TMTC2: variants seen among roughly 807,000 people sequenced by gnomAD.
TMTC2 encodes protein O-mannosyl-transferase TMTC2.
Under a neutral mutation model 82.4 loss-of-function variants are expected in TMTC2, and 43 were observed. That is an observed-to-expected ratio of 0.52 (90% CI 0.41 to 0.67). The LOEUF (loss-of-function observed/expected upper bound fraction) is 0.67, where lower values mean the gene tolerates loss of function less well. TMTC2 is among the 30% of genes least tolerant of loss of function. TMTC2 has a pLI of 0.00. For synonymous variants in TMTC2, 408 were observed against 381.9 expected (o/e 1.07, Z -0.80); for missense variants, 919 against 1,012.4 (o/e 0.91, Z 1.25).
At chr12:82,852,205 C>A (rs1207434726) in intron 1 of TMTC2, among the ~76,000 whole-genome samples, 4 of 151,582 alleles carry the variant, frequency 2.6e-5, no homozygotes, top group Non-Finnish European at 1.5e-5. Flanking sequence ...GGGTTCACAC[C>A]ATTCTCCTGC....
chr12:83,070,739 G>C (rs951535704), intron 11 of TMTC2, among the ~76,000 whole-genome samples: 3 of 152,144 alleles, frequency 2.0e-5, no homozygotes, highest in Non-Finnish European at 4.4e-5. Flanking sequence ...TTGAAGAGTA[G>C]TGGTGAGAGT....
At chr12:82,887,971 C>G (rs1873187817) in intron 2 of TMTC2, among the ~76,000 whole-genome samples, 1 of 152,044 alleles carries the variant, frequency 6.6e-6, no homozygotes, top group African/African-American at 2.4e-5. Context: ...TCCACCTACT[C>G]AGGAGGCTGA....
chr12:83,106,990 ATAAACCTTGTG>A (rs1884427786), intron 11 of TMTC2, among the ~76,000 whole-genome samples: 1 of 152,232 alleles, frequency 6.6e-6, no homozygotes, highest in Admixed American at 6.5e-5. Flanking sequence ...ATAAATGTAA[ATAAACCTTGTG>A]TAATCTGATG....
At chr12:83,082,394 C>A (rs531928682) in intron 11 of TMTC2, among the ~76,000 whole-genome samples, 2 of 152,102 alleles carry the variant, frequency 1.3e-5, no homozygotes, top group South Asian at 4.1e-4. Context: ...TTAATCCATA[C>A]AAAACATTAT....
intron 8 of TMTC2, among the ~76,000 whole-genome samples, chr12:83,007,812 T>C (rs1436942550): frequency 6.6e-6 from 1 of 152,226 alleles, no homozygotes; most frequent in African/African-American, 2.4e-5. Flanking sequence ...TGGGAAAGTC[T>C]GCTCATAATA....
chr12:82,953,368 A>G (rs1303288382), intron 4 of TMTC2, among the ~76,000 whole-genome samples: 1 of 152,242 alleles, frequency 6.6e-6, no homozygotes, highest in African/African-American at 2.4e-5. Context: ...TTCAAGTAGT[A>G]GCGACTTATT....
At chr12:82,833,592 C>T (rs1869869077) in intron 1 of TMTC2, among the ~76,000 whole-genome samples, 1 of 152,142 alleles carries the variant, frequency 6.6e-6, no homozygotes, top group African/African-American at 2.4e-5. Flanking sequence ...TGCCAAACAA[C>T]TCTGCAAGGA....
chr12:82,757,130 A>G (rs926538681), intron 1 of TMTC2, among the ~76,000 whole-genome samples: 8 of 152,314 alleles, frequency 5.3e-5, no homozygotes, highest in African/African-American at 1.9e-4. Flanking sequence ...CTGAAAAGTA[A>G]GTGGATCCTG....
At chr12:83,074,922 G>A (rs941558725) in intron 11 of TMTC2, among the ~76,000 whole-genome samples, 4 of 152,160 alleles carry the variant, frequency 2.6e-5, no homozygotes, top group African/African-American at 7.2e-5. Flanking sequence ...TAGTTACAAA[G>A]TTCAGCTAGA....
At chr12:83,046,419 T>C (rs1387717809) in intron 9 of TMTC2, among the ~76,000 whole-genome samples, 1 of 152,248 alleles carries the variant, frequency 6.6e-6, no homozygotes, top group Non-Finnish European at 1.5e-5. Flanking sequence ...ATTCTGCGGT[T>C]GGTGCCTTGC....
At chr12:83,131,723 A>G (rs1488510498) in intron 11 of TMTC2, among the ~76,000 whole-genome samples, 1 of 152,194 alleles carries the variant, frequency 6.6e-6, no homozygotes, top group East Asian at 1.9e-4. Context: ...CATCCGTAAA[A>G]TTTCATAGTT....
intron 8 of TMTC2, among the ~76,000 whole-genome samples, chr12:82,997,843 A>G (rs897359388): frequency 6.6e-6 from 1 of 152,110 alleles, no homozygotes; most frequent in African/African-American, 2.4e-5. Flanking sequence ...TTCTTAAAAT[A>G]TGTATATATT....
intron 2 of TMTC2, among the ~76,000 whole-genome samples, chr12:82,859,451 A>G (rs939945231): frequency 6.6e-6 from 1 of 152,172 alleles, no homozygotes; most frequent in African/African-American, 2.4e-5. Flanking sequence ...TACTTGCAGG[A>G]CCTTACGAAG....
intron 1 of TMTC2, chr12:82,759,780 A>C (rs921675180): frequency 6.6e-6 from 1 of 152,230 alleles, no homozygotes; most frequent in African/African-American, 2.4e-5. Context: ...AAAACGATAA[A>C]TAAATTGTAA....
chr12:82,735,898 G>A (rs1052224428), intron 1 of TMTC2, among the ~76,000 whole-genome samples: 9 of 151,982 alleles, frequency 5.9e-5, no homozygotes, highest in Admixed American at 2.6e-4. Flanking sequence ...GCTTGAACCC[G>A]GGAGGCATAG....
chr12:82,952,602 GT>G (rs1801384003), intron 4 of TMTC2, among the ~76,000 whole-genome samples: 1 of 152,062 alleles, frequency 6.6e-6, no homozygotes. Context: ...CTCAAGTCCA[GT>G]GGTGCAATCT....
rs1230366792 is a variant in TMTC2 at position 82,864,583 on chromosome 12, C to CCTCCG, written c.654+7005_654+7009dup. Among the ~76,000 whole-genome samples the CCTCCG allele has an allele frequency of 2.0e-5, 3 of 146,476 alleles. No homozygotes were observed. In the Admixed American group the frequency reaches 2.1e-4, roughly 10 times the overall value. ...GTGGCGCAATCTTGGCTCACTGCAA[C>CCTCCG]CTCCGCCTCCCGGGTTCCAGCGATT... On this transcript the variant is annotated intron_variant, in intron 2 of 11. Transcript: ENST00000321196.
At chr12:83,125,812 A>G (rs940990425) in intron 11 of TMTC2, among the ~76,000 whole-genome samples, 1 of 152,216 alleles carries the variant, frequency 6.6e-6, no homozygotes, top group African/African-American at 2.4e-5. Context: ...TTTAAAAATT[A>G]GACAATACCA....
At chr12:82,953,661 G>A (rs188839154) in intron 4 of TMTC2, among the ~76,000 whole-genome samples, 19 of 152,272 alleles carry the variant, frequency 1.2e-4, no homozygotes, top group African/African-American at 4.1e-4. Context: ...ATTAAGTTAT[G>A]TAAAATCTCA....
Sources: allele counts gnomAD v4.1 joint callset (sites outside exome capture counted in the v4.1 genomes callset), GRCh38; gene constraint gnomAD v4.1.1; transcripts MANE v1.5; gene names NCBI Gene and HGNC (gene_info 2026-07-23, HGNC 2026-07-21).